Variants in TRABD2B observed in about 807,000 individuals in gnomAD.
TRABD2B encodes the protein metalloprotease TIKI2.
A neutral mutation model predicts 40.1 loss-of-function variants in TRABD2B; 14 were observed. That is an observed-to-expected ratio of 0.35 (90% CI 0.23 to 0.55). The LOEUF (loss-of-function observed/expected upper bound fraction) is 0.55, where lower values mean the gene tolerates loss of function less well. Among genes scored for constraint, TRABD2B ranks in the 20% least tolerant of loss-of-function variants. The pLI is 0.90. For missense variants in TRABD2B, 541 were observed against 648.6 expected, an observed-to-expected ratio of 0.83 and a Z score of 1.80; for synonymous variants, 263 against 277.0, an observed-to-expected ratio of 0.95 and a Z score of 0.50.
intron 2 of TRABD2B, among the ~76,000 whole-genome samples, chr1:47,920,251 G>T (rs1024769428): frequency 6.6e-6 from 1 of 152,206 alleles, no homozygotes; most frequent in South Asian, 2.1e-4. Context: ...GAAATTCAGA[G>T]AGGGGAAGTG....
chr1:47,831,074 C>CGCTGGAA (rs33934441), intron 2 of TRABD2B, among the ~76,000 whole-genome samples: 1 of 858 alleles, frequency 1.2e-3, no homozygotes, highest in Non-Finnish European at 0.026. Flanking sequence ...TCCTTGGTTG[C>CGCTGGAA]CACGTGTCCT....
intron 2 of TRABD2B, among the ~76,000 whole-genome samples, chr1:47,809,541 A>T (rs1286946641): frequency 6.6e-6 from 1 of 152,190 alleles, no homozygotes; most frequent in Non-Finnish European, 1.5e-5. Context: ...GGTGGAGGAC[A>T]GCTCACTTCA....
intron 4 of TRABD2B, among the ~76,000 whole-genome samples, chr1:47,788,898 T>G (rs1206856572): frequency 2.0e-5 from 3 of 152,164 alleles, no homozygotes; most frequent in East Asian, 3.9e-4. Context: ...CCTACATTAC[T>G]CATTCTAGTC....
At chr1:47,902,105 C>T (rs1644608464) in intron 2 of TRABD2B, among the ~76,000 whole-genome samples, 2 of 152,162 alleles carry the variant, frequency 1.3e-5, no homozygotes, top group South Asian at 4.1e-4. Flanking sequence ...ATATTTTGAC[C>T]AAGCCTCCCA....
intron 2 of TRABD2B, among the ~76,000 whole-genome samples, chr1:47,863,834 T>C (rs1339132627): frequency 6.6e-6 from 1 of 152,150 alleles, no homozygotes; most frequent in Admixed American, 6.5e-5. Context: ...TGACGGAACT[T>C]GGAAGCAACC....
intron 2 of TRABD2B, 93 bp from the exon 3 acceptor site, chr1:47,801,712 A>G: frequency 2.1e-6 from 3 of 1,419,656 alleles, no homozygotes; most frequent in Non-Finnish European, 2.8e-6. Context: ...CTTCAGAGCA[A>G]CAGGCCTGAA....
chr1:47,948,266 T>TGTCC (rs60508309), intron 2 of TRABD2B, among the ~76,000 whole-genome samples: 29,069 of 151,904 alleles, frequency 0.19, 3,082 homozygotes, highest in East Asian at 0.37. Context: ...TTGCCAGGGA[T>TGTCC]GTCCTTTAGG....
Position 47,763,451 on chromosome 1 carries a change from A to C in TRABD2B, c.*2451T>G, listed in dbSNP as rs2124396425. 1 of 152,194 alleles carries C rather than the reference A, an allele frequency of 6.6e-6. No homozygotes were observed. The highest frequency in any genetic ancestry group is 1.9e-4 in the East Asian group (1 of 5,194). The allele number at this position is 152,194 out of a possible 1,614,324, so 9.4% of individuals were successfully genotyped here. A position where few individuals can be genotyped will look rare whatever the true frequency, so the allele number is the denominator to read the frequency against. On this transcript the variant is annotated 3_prime_UTR_variant, in exon 7 of 7. Transcript: ENST00000606738. ...AGGGATCTGGGAAAGACTAAGGCTGAATCTTCCTGAAGTTAGGGGCCAGGA... is the reference window on the plus strand; with the variant it reads ...AGGGATCTGGGAAAGACTAAGGCTGCATCTTCCTGAAGTTAGGGGCCAGGA...
chr1:47,943,350 C>G (rs913904090), intron 2 of TRABD2B, among the ~76,000 whole-genome samples: 1 of 152,200 alleles, frequency 6.6e-6, no homozygotes, highest in East Asian at 1.9e-4. Context: ...TGAGCTTCTA[C>G]GTCCCATTAT....
chr1:47,854,454 A>G (rs1195689398), intron 2 of TRABD2B, among the ~76,000 whole-genome samples: 1 of 152,246 alleles, frequency 6.6e-6, no homozygotes, highest in Non-Finnish European at 1.5e-5. Context: ...TTGAGGTCAC[A>G]TAATCAAGAT....
chr1:47,766,998 G>A lies in TRABD2B; in HGVS notation c.1350-892C>T, dbSNP rs765792279. Among the ~76,000 whole-genome samples the A allele has an allele frequency of 9.2e-4, 140 of 152,290 alleles. 2 individuals are homozygous for A. The highest frequency in any genetic ancestry group is 2.1e-4 in the South Asian group (1 of 4,822). ...TGGCCTTGGGAAGCTGGAGGCGGGG[G>A]CAGGGGGTACTCAGGGCCAGGTTAC... On this transcript the variant is annotated intron_variant, in intron 6 of 6. Coordinates refer to ENST00000606738, the MANE Select transcript of TRABD2B (RefSeq NM_001194986.2).
chr1:47,785,161 A>G (rs1350763277), intron 4 of TRABD2B, among the ~76,000 whole-genome samples: 1 of 152,190 alleles, frequency 6.6e-6, no homozygotes, highest in Non-Finnish European at 1.5e-5. Context: ...AGAGGTGGCA[A>G]TAGTGAGGGT....
chr1:47,838,649 G>A (rs1645351122), intron 2 of TRABD2B, among the ~76,000 whole-genome samples: 1 of 152,218 alleles, frequency 6.6e-6, no homozygotes. Context: ...AGTCCCTTTG[G>A]TGACACTTGT....
intron 2 of TRABD2B, among the ~76,000 whole-genome samples, chr1:47,984,916 C>T (rs2148449308): frequency 6.6e-6 from 1 of 152,334 alleles, no homozygotes; most frequent in South Asian, 2.1e-4. Flanking sequence ...TCGCTCACTA[C>T]GTCCAGCACT....
At chr1:47,887,491 T>G (rs1473868162) in intron 2 of TRABD2B, among the ~76,000 whole-genome samples, 2 of 151,538 alleles carry the variant, frequency 1.3e-5, no homozygotes, top group Non-Finnish European at 2.9e-5. Context: ...TCCTATGTTT[T>G]GAGATAAGCA....
At position 47,775,207 on chromosome 1, in the gene TRABD2B, G is replaced by A. The variant is rs1381154570; in HGVS notation, c.1312C>T (p.Arg438Trp). ...CGGACCCAGAGGTCATTGAACTGCC[G>A]CGGCCGCTGGTGTGTGCTCTGCCTC... Reference protein sequence around the residue: ...HKRQSTHQRPRQFNDLWVRIE... With the variant: ...HKRQSTHQRPWQFNDLWVRIE... Residue 438 changes from arginine to tryptophan, a missense_variant, in exon 6 of 7, where the codon CGG becomes TGG. By Grantham distance (101) the Arg-to-Trp change is moderately radical. This residue lies in a region of TRABD2B where 172 missense variants were observed against 155.8 expected (regional missense o/e 1.10). Coordinates refer to ENST00000606738, the MANE Select transcript of TRABD2B (RefSeq NM_001194986.2). 5.6e-6 allele frequency: 7 copies of A among 1,240,040 alleles called. No individual in the cohort carries two copies. The highest frequency in any genetic ancestry group is 7.1e-6 in the Non-Finnish European group (7 of 991,216). 76.8% of individuals were successfully genotyped at this position (1,240,040 alleles called of 1,614,324 possible). A position where few individuals can be genotyped will look rare whatever the true frequency, so the allele number is the denominator to read the frequency against.
intron 2 of TRABD2B, among the ~76,000 whole-genome samples, chr1:47,893,312 G>A (rs987109127): frequency 1.3e-5 from 2 of 152,112 alleles, no homozygotes; most frequent in East Asian, 3.9e-4. Flanking sequence ...GGTGTTCTAT[G>A]GGACAGAGTG....
chr1:47,829,450 C>T (rs1418388325), intron 2 of TRABD2B, among the ~76,000 whole-genome samples: 2 of 152,106 alleles, frequency 1.3e-5, no homozygotes, highest in Non-Finnish European at 2.9e-5. Context: ...CACTCCTGTG[C>T]GCTAGACTCC....
chr1:47,860,258 C>A (rs1340209), intron 2 of TRABD2B, among the ~76,000 whole-genome samples: 45,114 of 152,086 alleles, frequency 0.3, 6,837 homozygotes, highest in East Asian at 0.46. Flanking sequence ...AGGCTGCTTT[C>A]TCCTATAAGT....
Sources: gnomAD v4.1 joint callset for allele counts (sites outside exome capture counted in the v4.1 genomes callset) on GRCh38, gnomAD v4.1.1 for gene constraint, gnomAD v4.1.1 regional missense constraint, MANE v1.5 for transcripts, NCBI Gene and HGNC (gene_info 2026-07-23, HGNC 2026-07-21) for gene names.